Variants in NEGR1 observed in about 807,000 individuals in gnomAD.
NEGR1 encodes neuronal growth regulator 1.
A neutral mutation model predicts 40.9 loss-of-function variants in NEGR1; 10 were observed. The ratio of observed to expected loss-of-function variants is 0.24; its 90% CI spans 0.15 to 0.42. The LOEUF is 0.42. NEGR1 is among the 10% of genes least tolerant of loss of function. The pLI, the probability that NEGR1 is intolerant of heterozygous loss-of-function variation, is 1.00. For synonymous variants in NEGR1, 185 were observed against 166.8 expected, an observed-to-expected ratio of 1.11 and a Z score of -0.84; for missense variants, 352 against 438.9, an observed-to-expected ratio of 0.80 and a Z score of 1.77.
chr1:71,440,407 T>A (rs1472881264), intron 6 of NEGR1, among the ~76,000 whole-genome samples: 1 of 152,192 alleles, frequency 6.6e-6, no homozygotes, highest in Admixed American at 6.5e-5. Context: ...TTTATTTGGA[T>A]TAGAGATCTA....
chr1:71,449,948 T>C (rs1646613421), intron 6 of NEGR1, among the ~76,000 whole-genome samples: 1 of 152,006 alleles, frequency 6.6e-6, no homozygotes, highest in African/African-American at 2.4e-5. Flanking sequence ...TATATTTGTC[T>C]TTTATTTTCA....
At chr1:72,080,105 A>C (rs1003105300) in intron 1 of NEGR1, among the ~76,000 whole-genome samples, 5 of 152,204 alleles carry the variant, frequency 3.3e-5, no homozygotes, top group African/African-American at 1.2e-4. Context: ...AATCCCCATG[A>C]TGTTCATATT....
intron 1 of NEGR1, among the ~76,000 whole-genome samples, chr1:71,955,471 A>G (rs1646112237): frequency 6.6e-6 from 1 of 152,102 alleles, no homozygotes; most frequent in Non-Finnish European, 1.5e-5. Context: ...CCCGAAGGCA[A>G]CCTCGACCAC....
intron 2 of NEGR1, among the ~76,000 whole-genome samples, chr1:71,878,930 C>T (rs1248701614): frequency 6.6e-6 from 1 of 151,984 alleles, no homozygotes; most frequent in South Asian, 2.1e-4. Flanking sequence ...AAAATAGCAA[C>T]AAGGACCAGC....
chr1:71,896,679 C>T (rs532241203), intron 2 of NEGR1, among the ~76,000 whole-genome samples: 22 of 152,212 alleles, frequency 1.4e-4, no homozygotes, highest in African/African-American at 4.8e-4. Flanking sequence ...AGTTGTAGCT[C>T]GTACCTTCAG....
At chr1:71,627,620 A>T (rs1398319040) in intron 4 of NEGR1, among the ~76,000 whole-genome samples, 2 of 152,030 alleles carry the variant, frequency 1.3e-5, no homozygotes, top group East Asian at 3.9e-4. Flanking sequence ...TAGTCAAAGC[A>T]GCCACATGGT....
intron 1 of NEGR1, among the ~76,000 whole-genome samples, chr1:72,184,018 G>C (rs1005311650): frequency 3.9e-5 from 6 of 152,030 alleles, no homozygotes; most frequent in Non-Finnish European, 8.8e-5. Flanking sequence ...ACTTATTGTA[G>C]AACTGTAATT....
intron 1 of NEGR1, among the ~76,000 whole-genome samples, chr1:72,127,413 G>T (rs533172833): frequency 8.3e-6 from 1 of 120,684 alleles, no homozygotes; most frequent in African/African-American, 3.3e-5. Context: ...GCAGTGAGCC[G>T]AGATCACAAC....
In NEGR1 at chr1:71,853,184, T is replaced by A. The variant is rs970013159; in HGVS notation, c.410-76887A>T. 4.6e-5 allele frequency among the ~76,000 whole-genome samples: 7 copies of A among 152,154 alleles called. No individual in the cohort carries two copies. In the South Asian group the frequency reaches 1.4e-3, roughly 32 times the overall value. On this transcript the variant is annotated intron_variant, in intron 2 of 6. Coordinates refer to ENST00000357731, the MANE Select transcript of NEGR1 (RefSeq NM_173808.3). ...CTTGGTAAAGAGTATGCCCTCAGTG[T>A]TTATTGAATTAAATTACACGGAATA...
At chr1:71,485,019 T>C (rs141904455) in intron 6 of NEGR1, among the ~76,000 whole-genome samples, 53 of 151,814 alleles carry the variant, frequency 3.5e-4, no homozygotes, top group African/African-American at 1.2e-3. Context: ...TTTTGGCTAA[T>C]AAAAACATCT....
At chr1:72,052,434 G>A (rs1647070864) in intron 1 of NEGR1, among the ~76,000 whole-genome samples, 1 of 151,348 alleles carries the variant, frequency 6.6e-6, no homozygotes, top group Non-Finnish European at 1.5e-5. Context: ...GAGAATTCTG[G>A]TGTTTTAGAA....
chr1:72,254,617 G>C (rs539701866), intron 1 of NEGR1, among the ~76,000 whole-genome samples: 3 of 151,426 alleles, frequency 2.0e-5, no homozygotes, highest in South Asian at 4.2e-4. Flanking sequence ...CAGGAGAATG[G>C]TGTGAACCCA....
At chr1:72,237,899 C>A (rs1248010539) in intron 1 of NEGR1, among the ~76,000 whole-genome samples, 2 of 151,880 alleles carry the variant, frequency 1.3e-5, no homozygotes, top group Non-Finnish European at 2.9e-5. Flanking sequence ...CAGCCTTATG[C>A]AGGGTTTTTG....
intron 1 of NEGR1, among the ~76,000 whole-genome samples, chr1:71,936,007 C>T (rs1645901941): frequency 6.6e-6 from 1 of 152,092 alleles, no homozygotes; most frequent in Non-Finnish European, 1.5e-5. Flanking sequence ...CTGTGTTGGC[C>T]AGACTGGTCT....
Position 71,634,449 on chromosome 1 carries a change from C to T in NEGR1, c.668-23303G>A, listed in dbSNP as rs769762425. On this transcript the variant is annotated intron_variant, in intron 4 of 6. Transcript: ENST00000357731. ...GCTGATGCTTTGAACTATACTGGCA[C>T]ATGTGGCCTGGTAACATAGATGAGG... Among the ~76,000 whole-genome samples the T allele has an allele frequency of 2.6e-5, 4 of 152,100 alleles. No homozygotes were observed. In the South Asian group the frequency reaches 8.3e-4, roughly 31 times the overall value.
At chr1:71,471,383 C>A (rs773541305) in intron 6 of NEGR1, among the ~76,000 whole-genome samples, 1 of 152,100 alleles carries the variant, frequency 6.6e-6, no homozygotes, top group Non-Finnish European at 1.5e-5. Context: ...CCTTGGCTCA[C>A]GCCTGTAATC....
At chr1:71,715,411 G>A (rs899942286) in intron 3 of NEGR1, among the ~76,000 whole-genome samples, 6 of 152,164 alleles carry the variant, frequency 3.9e-5, no homozygotes, top group African/African-American at 1.4e-4. Context: ...CAGTGGTCTT[G>A]AATTTATACT....
chr1:71,898,903 AT>A (rs1661051899), intron 2 of NEGR1, among the ~76,000 whole-genome samples: 2 of 138,000 alleles, frequency 1.4e-5, no homozygotes, highest in African/African-American at 5.5e-5. Context: ...TTGCAAATAT[AT>A]ATATATTGCA....
At chr1:71,426,531 T>C (rs1354892809) in intron 6 of NEGR1, among the ~76,000 whole-genome samples, 1 of 148,202 alleles carries the variant, frequency 6.7e-6, no homozygotes, top group Admixed American at 6.7e-5. Context: ...GTAGGTGGTA[T>C]TTCATCTTAT....
Sources: allele counts gnomAD v4.1 joint callset (sites outside exome capture counted in the v4.1 genomes callset), GRCh38; gene constraint gnomAD v4.1.1; transcripts MANE v1.5; gene names NCBI Gene and HGNC (gene_info 2026-07-23, HGNC 2026-07-21).